NMUR1: variants seen among roughly 807,000 people sequenced by gnomAD.
NMUR1 encodes the protein neuromedin-U receptor 1.
A neutral mutation model predicts 18.8 loss-of-function variants in NMUR1; 16 were observed. That is an observed-to-expected ratio of 0.85 (90% CI 0.58 to 1.29). NMUR1 has a LOEUF of 1.29. Among genes scored for constraint, NMUR1 ranks in the 50% most tolerant of loss-of-function variants. The pLI is 0.00. For synonymous variants in NMUR1, 258 were observed against 258.2 expected (o/e 1.00, Z 0.01); for missense variants, 529 against 580.3 (o/e 0.91, Z 0.91).
At position 231,530,403 on chromosome 2, in the gene NMUR1, C is replaced by A; in HGVS notation, c.-42G>T. Reference sequence around the variant, plus strand: ...GAGACCCCGGCTTCCACCCTCCGAGCGACGGACACAGACGCGGCGCGGGAG... The same window carrying A: ...GAGACCCCGGCTTCCACCCTCCGAGAGACGGACACAGACGCGGCGCGGGAG... On this transcript the variant is annotated 5_prime_UTR_variant, in exon 1 of 3. Coordinates refer to ENST00000305141, the MANE Select transcript of NMUR1 (RefSeq NM_006056.5). The A allele has an allele frequency of 1.4e-6, 2 of 1,475,952 alleles. No individual in the cohort carries two copies. The highest frequency in any genetic ancestry group is 4.7e-5 in the Admixed American group (2 of 42,816). The allele number at this position is 1,475,952 out of a possible 1,614,324, so 91.4% of individuals were successfully genotyped here. A position where few individuals can be genotyped will look rare whatever the true frequency, so the allele number is the denominator to read the frequency against.
intron 1 of NMUR1, among the ~76,000 whole-genome samples, 178 bp from the exon 2 acceptor site, chr2:231,529,195 G>A (rs1425441969): frequency 6.6e-6 from 1 of 152,120 alleles, no homozygotes; most frequent in Non-Finnish European, 1.5e-5. Context: ...TTGGTGCAGT[G>A]GCTCACACCT....
chr2:231,519,894 C>A (rs891737775), downstream of NMUR1, among the ~76,000 whole-genome samples: 10 of 152,092 alleles, frequency 6.6e-5, 1 homozygote, highest in Admixed American at 6.5e-4. Flanking sequence ...GAATTCAAGA[C>A]CAGCCTGGGC....
At chr2:231,521,918 C>T (rs1176716172), downstream of NMUR1, among the ~76,000 whole-genome samples, 4 of 150,712 alleles carry the variant, frequency 2.7e-5, no homozygotes, top group Non-Finnish European at 4.4e-5. Context: ...CTGTTGCTGA[C>T]GTGCTGCGGA....
At chr2:231,527,142 G>A (rs572124058) in intron 2 of NMUR1, among the ~76,000 whole-genome samples, 1 of 151,916 alleles carries the variant, frequency 6.6e-6, no homozygotes, top group East Asian at 1.9e-4. Context: ...ATCTCACTGT[G>A]TAGTTCCACT....
downstream of NMUR1, among the ~76,000 whole-genome samples, chr2:231,522,510 C>A (rs1200066881): frequency 6.6e-6 from 1 of 151,872 alleles, no homozygotes; most frequent in Non-Finnish European, 1.5e-5. Flanking sequence ...TCCCTGGGAG[C>A]TCAGGGGCAG....
downstream of NMUR1, among the ~76,000 whole-genome samples, chr2:231,518,617 T>C (rs533726746): frequency 3.6e-5 from 5 of 138,254 alleles, no homozygotes; most frequent in Admixed American, 1.6e-4. Context: ...GTAATTTTTT[T>C]TGGTGGTTTT....
In NMUR1 at chr2:231,528,766, G is replaced by A; in HGVS notation, c.255C>T (p.Ile85=). The change falls in exon 2 of 3, where the codon ATC becomes ATT. Residue 85 remains isoleucine (I), a synonymous_variant. Coordinates refer to ENST00000305141, the MANE Select transcript of NMUR1 (RefSeq NM_006056.5). ...AVGNGLTCLV[I]LRHKAMRTPT... is the part of the protein sequence containing the mutation. ...GCGTGCGCATGGCCTTGTGGCGCAG[G>A]ATGACCAGACAGGTCAGCCCATTGC... 1 of 1,614,224 alleles carries A rather than the reference G, an allele frequency of 6.2e-7. No homozygotes were observed. The highest frequency in any genetic ancestry group is 1.1e-5 in the South Asian group (1 of 91,090).
chr2:231,518,770 G>A (rs13402640), downstream of NMUR1, among the ~76,000 whole-genome samples: 15,231 of 152,244 alleles, frequency 0.1, 860 homozygotes, highest in Middle Eastern at 0.15. Flanking sequence ...GGAAGTCCAC[G>A]CGCCAGCAGT....
chr2:231,529,037 G>A lies in NMUR1; in HGVS notation c.4-20C>T, dbSNP rs2047390098. ...AGGAGTCTGTGGAACAGAGGGGAGA[G>A]ATGCCCAGAAAGATCATTCAGGGAA... On this transcript the variant is annotated intron_variant, in intron 1 of 2. Transcript: ENST00000305141. 1.9e-6 allele frequency: 3 copies of A among 1,573,838 alleles called. No individual in the cohort carries two copies. The highest frequency in any genetic ancestry group is 1.7e-6 in the Non-Finnish European group (2 of 1,157,984).
intron 2 of NMUR1, among the ~76,000 whole-genome samples, chr2:231,525,641 G>A (rs2047349067): frequency 6.6e-6 from 1 of 152,232 alleles, no homozygotes; most frequent in African/African-American, 2.4e-5. Flanking sequence ...GGGCAATGGG[G>A]CATATCCCTG....
Position 231,530,424 on chromosome 2 carries a change from G to C in NMUR1, c.-63C>G. On this transcript the variant is annotated 5_prime_UTR_variant, in exon 1 of 3. Transcript: ENST00000305141. ...CGAGCGACGGACACAGACGCGGCGCGGGAGCCAGTGGACTGACTGACAGCG... is the reference window on the plus strand; with the variant it reads ...CGAGCGACGGACACAGACGCGGCGCCGGAGCCAGTGGACTGACTGACAGCG... 6.9e-7 allele frequency: 1 copy of C among 1,454,302 alleles called. No individual in the cohort carries two copies. The highest frequency in any genetic ancestry group is 1.5e-5 in the African/African-American group (1 of 67,390). 90.1% of individuals were successfully genotyped at this position (1,454,302 alleles called of 1,614,324 possible).
Sources: allele counts gnomAD v4.1 joint callset (sites outside exome capture counted in the v4.1 genomes callset), GRCh38; gene constraint gnomAD v4.1.1; transcripts MANE v1.5; gene names NCBI Gene and HGNC (gene_info 2026-07-23, HGNC 2026-07-21).